The following KLF3 variants were observed in gnomAD, a reference collection of about 807,000 sequenced individuals.
KLF3 encodes KLF transcription factor 3.
KLF3 carries 6 observed loss-of-function variants against 32.7 expected under a neutral mutation model. The ratio of observed to expected loss-of-function variants is 0.18; its 90% CI spans 0.10 to 0.36. The LOEUF is 0.36. Among genes scored for constraint, KLF3 ranks in the 10% least tolerant of loss-of-function variants. The probability of loss-of-function intolerance (pLI) is 1.00; values close to 1 mark genes in which losing one functional copy is unlikely to be tolerated. For missense variants in KLF3, 338 were observed against 449.7 expected, an observed-to-expected ratio of 0.75 and a Z score of 2.25; for synonymous variants, 145 against 172.8, an observed-to-expected ratio of 0.84 and a Z score of 1.26.
At position 38,693,077 on chromosome 4, in the gene KLF3, C is replaced by CACATATATATACACGTATATATATAT. The variant is rs1560420149; in HGVS notation, c.696-1668_696-1643dup. ...ACATATATATATATGTATATATATACACATATATATACACGTATATATATA... is the reference window on the plus strand; with the variant it reads ...ACATATATATATATGTATATATATACACATATATATACACGTATATATATATACATATATATACACGTATATATATA... On this transcript the variant is annotated intron_variant, in intron 4 of 5. Coordinates refer to ENST00000261438, the MANE Select transcript of KLF3 (RefSeq NM_016531.6). Among the ~76,000 whole-genome samples the CACATATATATACACGTATATATATAT allele has an allele frequency of 5.8e-4, 73 of 126,048 alleles. No individual in the cohort carries two copies. The South Asian group carries it at 0.016, about 28-fold the overall frequency. 82.7% of individuals were successfully genotyped at this position (126,048 alleles called of 152,430 possible).
chr4:38,665,809 C>T (rs896878230), intron 1 of KLF3, among the ~76,000 whole-genome samples: 2 of 152,126 alleles, frequency 1.3e-5, no homozygotes, highest in African/African-American at 2.4e-5. Flanking sequence ...CTTTTCTGTA[C>T]GAATTTGAGG....
chr4:38,673,207 C>G (rs1466037875), intron 1 of KLF3, among the ~76,000 whole-genome samples: 1 of 152,118 alleles, frequency 6.6e-6, no homozygotes, highest in African/African-American at 2.4e-5. Context: ...TCTAACCATC[C>G]CTGTTCAGGC....
At chr4:38,690,687 C>T (rs1214602956) in intron 4 of KLF3, 1 of 152,212 alleles carries the variant, frequency 6.6e-6, no homozygotes, top group Non-Finnish European at 1.5e-5. Context: ...CGATTACCTC[C>T]ACAGGGTCCC....
At chr4:38,680,985 G>A in intron 2 of KLF3, 1 of 227,938 alleles carries the variant, frequency 4.4e-6, no homozygotes, top group Non-Finnish European at 9.2e-6. Context: ...GGGAGATGTA[G>A]GTTACAGTGA....
At position 38,699,108 on chromosome 4, in the gene KLF3, TAAAGAAATGTAGTTAAGAAATGC is replaced by T. The variant is rs1723130772; in HGVS notation, c.*1856_*1878del. 1 of 152,178 alleles carries T rather than the reference TAAAGAAATGTAGTTAAGAAATGC, an allele frequency of 6.6e-6. No individual in the cohort carries two copies. The highest frequency in any genetic ancestry group is 1.5e-5 in the Non-Finnish European group (1 of 68,034). 9.4% of individuals were successfully genotyped at this position (152,178 alleles called of 1,614,324 possible). A position where few individuals can be genotyped will look rare whatever the true frequency, so the allele number is the denominator to read the frequency against. On this transcript the variant is annotated 3_prime_UTR_variant, in exon 6 of 6. Coordinates refer to ENST00000261438, the MANE Select transcript of KLF3 (RefSeq NM_016531.6). The stretch of plus-strand genomic sequence containing the variant: ...ACTCATCCGCCCTGTGAACCAGCTG[TAAAGAAATGTAGTTAAGAAATGC>T]AAAGAAATGTGTTATCTTGGCACTT...
rs1722277133 is a variant in KLF3, at chr4:38,674,244, C to A, written c.-39-6343C>A. Among the ~76,000 whole-genome samples the A allele has an allele frequency of 6.6e-6, 1 of 152,098 alleles. No individual in the cohort carries two copies. The highest frequency in any genetic ancestry group is 1.5e-5 in the Non-Finnish European group (1 of 68,020). On this transcript the variant is annotated intron_variant, in intron 1 of 5. Coordinates refer to ENST00000261438, the MANE Select transcript of KLF3 (RefSeq NM_016531.6). This position sits in a 1 kb window ranked among gnomAD's most constrained non-coding sequence, Gnocchi z 4.1. The stretch of plus-strand genomic sequence containing the variant: ...TAAAAATGCCTGCTGACATCTGTTG[C>A]CTGTCCCCTGTATTTCTGGCTAGGG...
chr4:38,680,753 T>TGAA (rs1208037019), intron 2 of KLF3, 71 bp downstream of exon 2: 7 of 1,274,182 alleles, frequency 5.5e-6, no homozygotes, highest in African/African-American at 1.5e-5. Context: ...TGTGTTGAAT[T>TGAA]ATTCCTTGAA....
chr4:38,679,396 A>T (rs1722449647), intron 1 of KLF3, among the ~76,000 whole-genome samples: 1 of 152,268 alleles, frequency 6.6e-6, no homozygotes, highest in South Asian at 2.1e-4. Flanking sequence ...AACACAAGTG[A>T]TAACACATGT....
At chr4:38,669,393 C>T (rs1293033184) in intron 1 of KLF3, among the ~76,000 whole-genome samples, 2 of 152,104 alleles carry the variant, frequency 1.3e-5, no homozygotes, top group African/African-American at 2.4e-5. Context: ...TGTTTCTCAT[C>T]TTAAGCAGTC....
rs1164899349 is a variant in KLF3 at position 38,698,063 on chromosome 4, G to C, written c.*800G>C. The stretch of plus-strand genomic sequence containing the variant: ...GAGGTTTCAACATTTTGTTAGCTGT[G>C]TGCAGCATTCCCAGAGCTTCAGTCT... On this transcript the variant is annotated 3_prime_UTR_variant, in exon 6 of 6. Coordinates refer to ENST00000261438, the MANE Select transcript of KLF3 (RefSeq NM_016531.6). The C allele has an allele frequency of 6.6e-6, 1 of 152,176 alleles. No individual in the cohort carries two copies. The highest frequency in any genetic ancestry group is 1.5e-5 in the Non-Finnish European group (1 of 68,046). 9.4% of individuals were successfully genotyped at this position (152,176 alleles called of 1,614,324 possible). A position where few individuals can be genotyped will look rare whatever the true frequency, so the allele number is the denominator to read the frequency against.
intron 4 of KLF3, among the ~76,000 whole-genome samples, chr4:38,691,964 G>T (rs1044988816): frequency 1.3e-5 from 2 of 152,162 alleles, no homozygotes; most frequent in Admixed American, 1.3e-4. Context: ...TAAAAGTACA[G>T]CTTTGAAATC....
intron 4 of KLF3, among the ~76,000 whole-genome samples, chr4:38,694,237 T>C (rs1722979144): frequency 6.6e-6 from 1 of 152,184 alleles, no homozygotes; most frequent in Non-Finnish European, 1.5e-5. Context: ...CCCTACAATG[T>C]GGTTTCCTGA....
At chr4:38,689,300 A>G (rs971704410) in intron 3 of KLF3, among the ~76,000 whole-genome samples, 1 of 152,200 alleles carries the variant, frequency 6.6e-6, no homozygotes, top group Non-Finnish European at 1.5e-5. Context: ...TTCACTATGT[A>G]ATGGTCAACT....
At chr4:38,692,590 A>G (rs1722905681) in intron 4 of KLF3, among the ~76,000 whole-genome samples, 3 of 152,218 alleles carry the variant, frequency 2.0e-5, no homozygotes, top group Admixed American at 6.5e-5. Context: ...CAGAGAGGAA[A>G]CTAAGACACA....
At chr4:38,680,094 T>C (rs1722474057) in intron 1 of KLF3, among the ~76,000 whole-genome samples, 1 of 152,216 alleles carries the variant, frequency 6.6e-6, no homozygotes, top group African/African-American at 2.4e-5. Context: ...AGTCTGGTTT[T>C]AATTATGTAA....
At chr4:38,669,593 C>CA (rs1722138380) in intron 1 of KLF3, among the ~76,000 whole-genome samples, 1 of 151,698 alleles carries the variant, frequency 6.6e-6, no homozygotes, top group South Asian at 2.1e-4. Context: ...TCTTCCAAAG[C>CA]AAAAAAATAG....
At chr4:38,673,323 TG>T (rs1722254364) in intron 1 of KLF3, among the ~76,000 whole-genome samples, 1 of 151,956 alleles carries the variant, frequency 6.6e-6, no homozygotes, top group South Asian at 2.1e-4. Context: ...AGGGTGGAGT[TG>T]GGTGGGTCTC....
Position 38,688,452 on chromosome 4 carries a change from A to G in KLF3, c.58-133A>G. On this transcript the variant is annotated intron_variant, in intron 2 of 5. Transcript: ENST00000261438. The surrounding 1 kb of genome is among the most constrained non-coding windows in gnomAD (Gnocchi z 4.9). ...TGAGCATTTTTTTAAGGTCACATAT[A>G]TATCGAAATCTAAACTATTTTGTAA... The G allele has an allele frequency of 1.1e-6, 1 of 875,024 alleles. No homozygotes were observed. The highest frequency in any genetic ancestry group is 1.7e-6 in the Non-Finnish European group (1 of 575,036). The allele number at this position is 875,024 out of a possible 1,614,324, so 54.2% of individuals were successfully genotyped here.
chr4:38,673,030 A>ATGCTT (rs1303342355), intron 1 of KLF3, among the ~76,000 whole-genome samples: 3 of 152,178 alleles, frequency 2.0e-5, no homozygotes, highest in African/African-American at 7.2e-5. Flanking sequence ...GTGGTTCAAA[A>ATGCTT]TGCTTTTCTC....
Sources: gnomAD v4.1 joint callset for allele counts (sites outside exome capture counted in the v4.1 genomes callset) on GRCh38, gnomAD v4.1.1 for gene constraint, Gnocchi (gnomAD v3.1) non-coding constraint, MANE v1.5 for transcripts, NCBI Gene and HGNC (gene_info 2026-07-23, HGNC 2026-07-21) for gene names.